The following IL1RAPL2 variants were observed in gnomAD, a reference collection of about 807,000 sequenced individuals.
The protein encoded by IL1RAPL2 is interleukin 1 receptor accessory protein like 2, also known as X-linked interleukin-1 receptor accessory protein-like 2.
IL1RAPL2 carries 3 observed loss-of-function variants against 44.1 expected under a neutral mutation model. The observed-to-expected ratio is 0.07, with a 90% confidence interval of 0.03 to 0.18. IL1RAPL2 has a LOEUF of 0.18. Ranked by LOEUF, IL1RAPL2 falls within the 10% of genes least tolerant of loss-of-function variation. The probability of loss-of-function intolerance (pLI) is 1.00; values close to 1 mark genes in which losing one functional copy is unlikely to be tolerated. For missense variants in IL1RAPL2, 391 were observed against 496.4 expected (o/e 0.79, Z 2.02); for synonymous variants, 181 against 178.8 (o/e 1.01, Z -0.10).
chrX:105,098,728 T>G (rs910846381), intron 2 of IL1RAPL2, among the ~76,000 whole-genome samples: 1 of 112,161 alleles, frequency 8.9e-6, no homozygotes, highest in Non-Finnish European at 1.9e-5. Flanking sequence ...TTTCTTCCCC[T>G]TCTGATTTGG....
At chrX:104,829,701 T>C (rs781378413) in intron 2 of IL1RAPL2, among the ~76,000 whole-genome samples, 1 of 112,653 alleles carries the variant, frequency 8.9e-6, no homozygotes, top group South Asian at 3.6e-4. Flanking sequence ...ACGCGACGTT[T>C]TAATGTATAG....
In IL1RAPL2 at chrX:104,632,273, C is replaced by T. The variant is rs1350170205; in HGVS notation, c.-19-26622C>T. Among the ~76,000 whole-genome samples, 32 of 111,421 alleles carry T rather than the reference C, an allele frequency of 2.9e-4. No homozygotes were observed. The South Asian group carries it at 5.0e-3, about 17-fold the overall frequency. ...TGTAGTATAGTTTGAAGTCAGGTAG[C>T]TCGATGCCTCCAGCTTTGTTCTTTT... On this transcript the variant is annotated intron_variant, in intron 1 of 10. Transcript: ENST00000372582.
chrX:104,758,801 T>G, intron 2 of IL1RAPL2, among the ~76,000 whole-genome samples: 1 of 111,977 alleles, frequency 8.9e-6, no homozygotes, highest in East Asian at 2.8e-4. Flanking sequence ...GATGATCTAC[T>G]TTACTTTTTC....
chrX:105,629,881 A>T (rs998537373), intron 6 of IL1RAPL2, among the ~76,000 whole-genome samples: 4 of 111,658 alleles, frequency 3.6e-5, no homozygotes, highest in Non-Finnish European at 7.5e-5. Context: ...GCCTTATAAA[A>T]GCAGGCATTG....
intron 5 of IL1RAPL2, among the ~76,000 whole-genome samples, chrX:105,460,832 C>T (rs1056373373): frequency 2.7e-5 from 3 of 111,624 alleles, no homozygotes; most frequent in African/African-American, 9.8e-5. Flanking sequence ...AGTCACCTAT[C>T]GATCCAAATA....
At chrX:104,848,129 T>A (rs908764188) in intron 2 of IL1RAPL2, among the ~76,000 whole-genome samples, 3 of 110,391 alleles carry the variant, frequency 2.7e-5, no homozygotes, top group African/African-American at 9.9e-5. Context: ...TACAATCATG[T>A]CATCTGCAAA....
chrX:105,089,607 A>C (rs778014669), intron 2 of IL1RAPL2, among the ~76,000 whole-genome samples: 1 of 111,655 alleles, frequency 9.0e-6, no homozygotes, highest in East Asian at 2.8e-4. Context: ...GCTGTCTTTC[A>C]AGAGTGTTAT....
At chrX:105,712,676 T>A (rs2038220979) in intron 6 of IL1RAPL2, among the ~76,000 whole-genome samples, 3 of 111,094 alleles carry the variant, frequency 2.7e-5, no homozygotes, top group African/African-American at 9.8e-5. Context: ...TACAATCACC[T>A]CCAACCTGGT....
At chrX:104,643,358 C>G (rs145502160) in intron 1 of IL1RAPL2, among the ~76,000 whole-genome samples, 1,582 of 111,490 alleles carry the variant, frequency 0.014, 19 homozygotes, top group Non-Finnish European at 0.022. Context: ...GTAATCGTTA[C>G]GATTATGGCT....
intron 6 of IL1RAPL2, among the ~76,000 whole-genome samples, chrX:105,620,941 A>G (rs752959165): frequency 9.9e-5 from 11 of 111,194 alleles, no homozygotes; most frequent in Non-Finnish European, 2.1e-4. Flanking sequence ...ACCAACCAAC[A>G]TAAGATTGGA....
chrX:104,869,346 TG>T (rs1922697889), intron 2 of IL1RAPL2, among the ~76,000 whole-genome samples: 1 of 111,579 alleles, frequency 9.0e-6, no homozygotes, highest in South Asian at 3.7e-4. Flanking sequence ...TATCATTTTT[TG>T]TAGTGAAATA....
intron 7 of IL1RAPL2, among the ~76,000 whole-genome samples, chrX:105,739,677 C>CTCATCAT (rs2147574946): frequency 9.3e-6 from 1 of 107,465 alleles, no homozygotes; most frequent in African/African-American, 3.4e-5. Flanking sequence ...AGGACGTGAA[C>CTCATCAT]TCATCATTTT....
intron 2 of IL1RAPL2, among the ~76,000 whole-genome samples, chrX:105,029,892 T>C (rs886684310): frequency 1.8e-5 from 2 of 111,519 alleles, no homozygotes; most frequent in Non-Finnish European, 3.8e-5. Flanking sequence ...TTCCTATTTC[T>C]CCACATCCTC....
At chrX:104,733,619 AAATAATAAT>A (rs3081204) in intron 2 of IL1RAPL2, among the ~76,000 whole-genome samples, 2 of 98,875 alleles carry the variant, frequency 2.0e-5, no homozygotes, top group Admixed American at 1.1e-4. Context: ...CTCTGTCTCA[AAATAATAAT>A]AATAATAATA....
At chrX:105,308,898 C>G (rs2147679891) in intron 5 of IL1RAPL2, among the ~76,000 whole-genome samples, 1 of 111,655 alleles carries the variant, frequency 9.0e-6, no homozygotes, top group South Asian at 3.7e-4. Context: ...TATATCCCAC[C>G]AGCAATGTAT....
intron 1 of IL1RAPL2, among the ~76,000 whole-genome samples, chrX:104,568,570 G>C (rs1468652055): frequency 8.9e-6 from 1 of 111,789 alleles, no homozygotes; most frequent in Non-Finnish European, 1.9e-5. Flanking sequence ...ACCCGCCGTG[G>C]AAGCAGATTA....
chrX:105,247,193 T>G (rs2034226727), intron 4 of IL1RAPL2, among the ~76,000 whole-genome samples: 1 of 111,259 alleles, frequency 9.0e-6, no homozygotes, highest in Non-Finnish European at 1.9e-5. Flanking sequence ...TATTGGTGGT[T>G]GTTATCTTCT....
intron 2 of IL1RAPL2, among the ~76,000 whole-genome samples, chrX:104,751,557 C>T (rs1381440159): frequency 1.8e-5 from 2 of 110,940 alleles, no homozygotes; most frequent in Non-Finnish European, 3.8e-5. Context: ...TGTTTTTGCT[C>T]TGTTCTATGA....
chrX:105,600,226 G>C (rs1324057182), intron 6 of IL1RAPL2, among the ~76,000 whole-genome samples: 2 of 110,570 alleles, frequency 1.8e-5, no homozygotes, highest in African/African-American at 6.6e-5. Flanking sequence ...TATTTATTTA[G>C]AGTTGTTTAC....
Sources: gnomAD v4.1 joint callset for allele counts (sites outside exome capture counted in the v4.1 genomes callset) on GRCh38, gnomAD v4.1.1 for gene constraint, MANE v1.5 for transcripts, NCBI Gene and HGNC (gene_info 2026-07-23, HGNC 2026-07-21) for gene names.